The following KCNN2 variants were observed in gnomAD, a reference collection of about 807,000 sequenced individuals.
KCNN2 encodes small conductance calcium-activated potassium channel protein 2.
Under a neutral mutation model 55.5 loss-of-function variants are expected in KCNN2, and 24 were observed. That is an observed-to-expected ratio of 0.43 (90% CI 0.31 to 0.61). The LOEUF is 0.61. Among genes scored for constraint, KCNN2 ranks in the 20% least tolerant of loss-of-function variants. KCNN2 has a pLI of 0.08. For synonymous variants in KCNN2, 431 were observed against 336.1 expected (o/e 1.28, Z -3.09); for missense variants, 754 against 853.6 (o/e 0.88, Z 1.45).
chr5:114,404,284 C>T (rs535185682), intron 2 of KCNN2, among the ~76,000 whole-genome samples, 154 bp from the exon 3 acceptor site: 2 of 152,316 alleles, frequency 1.3e-5, no homozygotes, highest in East Asian at 3.9e-4. Context: ...ATACCCTTTA[C>T]TAAAAATAGT....
Position 114,362,722 on chromosome 5 carries a change from C to G in KCNN2, c.583C>G (p.Gln195Glu), listed in dbSNP as rs1757469611. 3 of 1,514,724 alleles carry G rather than the reference C, an allele frequency of 2.0e-6. No homozygotes were observed. The African/African-American group carries it at 4.1e-5, about 21-fold the overall frequency. 93.8% of individuals were successfully genotyped at this position (1,514,724 alleles called of 1,614,324 possible). A position where few individuals can be genotyped will look rare whatever the true frequency, so the allele number is the denominator to read the frequency against. ...HHHHPHPAHH[Q>E]HHQPQARRES... ...CCACCACCCGCACCCGGCGCACCAC[C>G]AGCACCACCAGCCCCAGGCGCGCCG... Residue 195 changes from glutamine to glutamate, a missense_variant, in exon 1 of 8, where the codon CAG (glutamine) becomes GAG (glutamate). This residue lies in a region of KCNN2 where 381 missense variants were observed against 259.1 expected (regional missense o/e 1.47). Transcript: ENST00000673685.
chr5:114,183,107 T>G (rs1227184567), intron 1 of KCNN2, among the ~76,000 whole-genome samples: 1 of 152,094 alleles, frequency 6.6e-6, no homozygotes, highest in African/African-American at 2.4e-5. Flanking sequence ...TGGTAAAATA[T>G]TTTTATTCAT....
chr5:114,397,163 G>A (rs1225164230), intron 2 of KCNN2, among the ~76,000 whole-genome samples: 1 of 152,122 alleles, frequency 6.6e-6, no homozygotes, highest in East Asian at 1.9e-4. Flanking sequence ...TTGCTATTGT[G>A]AATACTGCTG....
chr5:114,120,962 G>A (rs1457251781), intron 1 of KCNN2, among the ~76,000 whole-genome samples: 1 of 152,128 alleles, frequency 6.6e-6, no homozygotes, highest in African/African-American at 2.4e-5. Flanking sequence ...GGGCAAATGG[G>A]GCCTCTGCCC....
At chr5:114,301,838 G>T (rs916384254) in intron 2 of KCNN2, among the ~76,000 whole-genome samples, 2 of 152,084 alleles carry the variant, frequency 1.3e-5, no homozygotes, top group East Asian at 3.9e-4. Context: ...TTGCTTATTT[G>T]ACTAAAGCAG....
intron 2 of KCNN2, among the ~76,000 whole-genome samples, chr5:114,320,818 T>C (rs1756601190): frequency 1.3e-5 from 2 of 152,266 alleles, no homozygotes; most frequent in African/African-American, 4.8e-5. Context: ...GTTGTTTGTT[T>C]GTTTGTTTTT....
chr5:114,263,688 C>T (rs1755156153), intron 2 of KCNN2, among the ~76,000 whole-genome samples: 1 of 152,140 alleles, frequency 6.6e-6, no homozygotes, highest in Non-Finnish European at 1.5e-5. Flanking sequence ...GGTCTTCAGT[C>T]TTTATCATAT....
chr5:114,223,658 GAAAA>G (rs548077833), intron 2 of KCNN2, among the ~76,000 whole-genome samples: 1 of 152,076 alleles, frequency 6.6e-6, no homozygotes, highest in Non-Finnish European at 1.5e-5. Flanking sequence ...TTGACAACCT[GAAAA>G]AAGACAACAC....
chr5:114,126,780 C>T (rs569022293), intron 1 of KCNN2, among the ~76,000 whole-genome samples: 6 of 152,166 alleles, frequency 3.9e-5, no homozygotes, highest in Non-Finnish European at 8.8e-5. Flanking sequence ...CAAGGCAAGT[C>T]CCTTCCACCT....
At chr5:114,173,807 A>C (rs1192937928) in intron 1 of KCNN2, among the ~76,000 whole-genome samples, 2 of 151,932 alleles carry the variant, frequency 1.3e-5, no homozygotes, top group Non-Finnish European at 2.9e-5. Flanking sequence ...TTCATCAATC[A>C]TCATGTCTAA....
At chr5:114,170,458 C>T (rs960586863) in intron 1 of KCNN2, among the ~76,000 whole-genome samples, 2 of 151,884 alleles carry the variant, frequency 1.3e-5, no homozygotes, top group African/African-American at 4.8e-5. Flanking sequence ...GGGAACACTG[C>T]ACATCATTTA....
chr5:114,331,127 A>G (rs1007150606), intron 2 of KCNN2, among the ~76,000 whole-genome samples: 75 of 152,332 alleles, frequency 4.9e-4, no homozygotes, highest in African/African-American at 1.8e-3. Flanking sequence ...GGAAGAGTCA[A>G]GTTTCTGAGT....
chr5:114,186,910 C>G (rs1449653709), intron 1 of KCNN2, among the ~76,000 whole-genome samples: 1 of 152,026 alleles, frequency 6.6e-6, no homozygotes, highest in Non-Finnish European at 1.5e-5. Context: ...CCAATATAAC[C>G]TTAACACCAA....
At chr5:114,077,445 G>C (rs564611323) in intron 1 of KCNN2, among the ~76,000 whole-genome samples, 73 of 152,332 alleles carry the variant, frequency 4.8e-4, no homozygotes, top group African/African-American at 1.8e-3. Context: ...TGTAGGGGCA[G>C]TGGGGTATAC....
chr5:114,345,581 G>A (rs1390741345), intron 2 of KCNN2, among the ~76,000 whole-genome samples: 1 of 152,110 alleles, frequency 6.6e-6, no homozygotes, highest in South Asian at 2.1e-4. Context: ...GAAAGAGTTG[G>A]GGGGCAGAAA....
At chr5:114,166,437 C>G (rs1057494832) in intron 1 of KCNN2, among the ~76,000 whole-genome samples, 1 of 152,206 alleles carries the variant, frequency 6.6e-6, no homozygotes, top group Non-Finnish European at 1.5e-5. Flanking sequence ...TTTAGAGTGG[C>G]CTTTGCAAAC....
Position 114,395,408 on chromosome 5 carries a change from T to C in KCNN2, c.1219-9030T>C, listed in dbSNP as rs576721340. 1.0e-3 allele frequency among the ~76,000 whole-genome samples: 153 copies of C among 152,360 alleles called. 1 individual carries two copies. The Middle Eastern group carries it at 0.01, about 10-fold the overall frequency. On this transcript the variant is annotated intron_variant, in intron 2 of 7. Transcript: ENST00000673685. Reference sequence around the variant, plus strand: ...GTTACTTTAGACCTCTGGCCAAGACTGTTAACCATCACCCTAGAATTAAGG... The same window carrying C: ...GTTACTTTAGACCTCTGGCCAAGACCGTTAACCATCACCCTAGAATTAAGG...
chr5:114,134,045 C>T (rs1752120771), intron 1 of KCNN2, among the ~76,000 whole-genome samples: 1 of 152,146 alleles, frequency 6.6e-6, no homozygotes, highest in Non-Finnish European at 1.5e-5. Context: ...TCTCTTCTCC[C>T]ATTTCCACAT....
chr5:114,121,955 G>A (rs77897846), intron 1 of KCNN2, among the ~76,000 whole-genome samples: 2,340 of 152,296 alleles, frequency 0.015, 65 homozygotes, highest in African/African-American at 0.054. Context: ...GAGGATGTTT[G>A]TTCTGTTTTA....
Sources: allele counts gnomAD v4.1 joint callset (sites outside exome capture counted in the v4.1 genomes callset), GRCh38; gene constraint gnomAD v4.1.1; regional missense constraint gnomAD v4.1.1; transcripts MANE v1.5; gene names NCBI Gene and HGNC (gene_info 2026-07-23, HGNC 2026-07-21).